Variants in FAM135A observed in about 807,000 individuals in gnomAD.
FAM135A encodes family with sequence similarity 135 member A.
FAM135A carries 79 observed loss-of-function variants against 146.8 expected under a neutral mutation model. That is an observed-to-expected ratio of 0.54 (90% CI 0.45 to 0.65). The LOEUF (loss-of-function observed/expected upper bound fraction) is 0.65. Among genes scored for constraint, FAM135A ranks in the 30% least tolerant of loss-of-function variants. The probability of loss-of-function intolerance (pLI) is 0.00; values close to 1 mark genes in which losing one functional copy is unlikely to be tolerated. For missense variants in FAM135A, 1,623 were observed against 1,758.2 expected (o/e 0.92, Z 1.38); for synonymous variants, 562 against 603.6 (o/e 0.93, Z 1.01).
chr6:70,476,270 T>G (rs1013561901), intron 7 of FAM135A, among the ~76,000 whole-genome samples: 1 of 152,236 alleles, frequency 6.6e-6, no homozygotes, highest in Non-Finnish European at 1.5e-5. Flanking sequence ...TGTGTTCATT[T>G]AAAACAAGAA....
intron 12 of FAM135A, among the ~76,000 whole-genome samples, chr6:70,513,839 A>G (rs1052572607): frequency 5.9e-5 from 9 of 152,010 alleles, no homozygotes; most frequent in African/African-American, 2.2e-4. Flanking sequence ...AAGTACCATT[A>G]TCTTCTGGCC....
chr6:70,514,959 CA>C (rs1791871106), intron 12 of FAM135A, among the ~76,000 whole-genome samples: 1 of 152,212 alleles, frequency 6.6e-6, no homozygotes, highest in African/African-American at 2.4e-5. Context: ...ATCAGAGCTT[CA>C]CTGACCTGGG....
intron 11 of FAM135A, among the ~76,000 whole-genome samples, chr6:70,498,559 T>C (rs942616092): frequency 6.6e-6 from 1 of 151,676 alleles, no homozygotes; most frequent in Admixed American, 6.6e-5. Flanking sequence ...TTCTTTTAAT[T>C]GTGATGTTAC....
intron 4 of FAM135A, among the ~76,000 whole-genome samples, chr6:70,447,921 A>G (rs975424289): frequency 1.3e-5 from 2 of 152,176 alleles, no homozygotes; most frequent in Non-Finnish European, 2.9e-5. Flanking sequence ...AGCCTTATGC[A>G]GATTACCTCC....
intron 11 of FAM135A, among the ~76,000 whole-genome samples, chr6:70,498,083 G>A (rs1036820830): frequency 3.9e-5 from 6 of 152,148 alleles, no homozygotes; most frequent in Non-Finnish European, 7.4e-5. Context: ...AGTAGAATTC[G>A]GCTGTGAATC....
At chr6:70,442,696 T>C (rs1774840188) in intron 4 of FAM135A, among the ~76,000 whole-genome samples, 1 of 151,938 alleles carries the variant, frequency 6.6e-6, no homozygotes, top group African/African-American at 2.4e-5. Flanking sequence ...TAAGTGTGAG[T>C]GATTAACATT....
chr6:70,438,214 C>T (rs973884282), intron 4 of FAM135A, among the ~76,000 whole-genome samples: 3 of 152,136 alleles, frequency 2.0e-5, no homozygotes, highest in Non-Finnish European at 2.9e-5. Flanking sequence ...GGCAGATTTG[C>T]AGGATTTAAG....
At chr6:70,435,496 T>G (rs1772867304) in intron 4 of FAM135A, among the ~76,000 whole-genome samples, 1 of 152,002 alleles carries the variant, frequency 6.6e-6, no homozygotes, top group Non-Finnish European at 1.5e-5. Context: ...TAAACCAGGT[T>G]TGATACAACA....
chr6:70,422,327 A>G (rs905208901), intron 2 of FAM135A, among the ~76,000 whole-genome samples: 3 of 152,114 alleles, frequency 2.0e-5, no homozygotes, highest in East Asian at 3.9e-4. Context: ...TTTCACTCCA[A>G]CAGTCCTCTG....
rs372666704 is a variant in FAM135A at position 70,524,801 on chromosome 6, G to A, written c.1717G>A (p.Ala573Thr). 2.6e-6 allele frequency: 4 copies of A among 1,555,038 alleles called. No individual in the cohort carries two copies. In the African/African-American group the frequency reaches 5.5e-5, roughly 21 times the overall value. ...TYMRQTSQKE[A>T]SCLPTNTERT... Reference sequence around the variant, plus strand: ...CATGAGACAGACAAGTCAAAAGGAAGCTAGCTGTTTGCCAACTAATACAGA... The same window carrying A: ...CATGAGACAGACAAGTCAAAAGGAAACTAGCTGTTTGCCAACTAATACAGA... The change falls in exon 15 of 22, where the codon GCT becomes ACT. Residue 573 changes from alanine (A) to threonine (T), a missense_variant. Physicochemically the swap from Ala to Thr is moderately conservative, Grantham distance 58 (BLOSUM62 0). Transcript: ENST00000418814.
intron 16 of FAM135A, 64 bp from the exon 17 acceptor site, chr6:70,533,096 G>A: frequency 7.9e-7 from 1 of 1,273,290 alleles, no homozygotes; most frequent in Non-Finnish European, 1.1e-6. Flanking sequence ...GTAAAAATAT[G>A]TGATGGTGTA....
intron 12 of FAM135A, among the ~76,000 whole-genome samples, chr6:70,519,167 A>G (rs6913548): frequency 0.2 from 30,598 of 152,038 alleles, 3,353 homozygotes; most frequent in African/African-American, 0.29. Flanking sequence ...GTAACTTTGA[A>G]GGGGTCACGA....
chr6:70,542,023 G>A (rs1324604603), intron 20 of FAM135A, among the ~76,000 whole-genome samples: 1 of 152,048 alleles, frequency 6.6e-6, no homozygotes, highest in Non-Finnish European at 1.5e-5. Context: ...TGGTTACCCT[G>A]CCACATGTAT....
chr6:70,443,841 G>C (rs920586710), intron 4 of FAM135A, among the ~76,000 whole-genome samples: 4 of 151,836 alleles, frequency 2.6e-5, no homozygotes, highest in Admixed American at 2.0e-4. Context: ...GATGGCCTCA[G>C]AACAAAAGCA....
chr6:70,520,113 C>T (rs146150381), intron 12 of FAM135A, among the ~76,000 whole-genome samples: 1 of 151,832 alleles, frequency 6.6e-6, no homozygotes, highest in East Asian at 1.9e-4. Flanking sequence ...TCATCACGTT[C>T]TCATCATTTC....
At chr6:70,420,527 G>A (rs1440064095) in intron 2 of FAM135A, among the ~76,000 whole-genome samples, 3 of 152,142 alleles carry the variant, frequency 2.0e-5, no homozygotes, top group East Asian at 1.9e-4. Flanking sequence ...TGATGGGAGC[G>A]AAGATGCCTG....
At chr6:70,421,553 T>A (rs1353471220) in intron 2 of FAM135A, among the ~76,000 whole-genome samples, 1 of 152,202 alleles carries the variant, frequency 6.6e-6, no homozygotes, top group Non-Finnish European at 1.5e-5. Context: ...GGCAGAGAAA[T>A]CAAATCCCTT....
intron 5 of FAM135A, among the ~76,000 whole-genome samples, chr6:70,466,595 A>T (rs548790629): frequency 1.3e-5 from 2 of 152,328 alleles, no homozygotes; most frequent in African/African-American, 4.8e-5. Context: ...TGTAAAACAG[A>T]GTTTACCACT....
intron 19 of FAM135A, among the ~76,000 whole-genome samples, chr6:70,536,698 A>G (rs935278061): frequency 6.6e-6 from 1 of 152,050 alleles, no homozygotes; most frequent in Non-Finnish European, 1.5e-5. Flanking sequence ...TTTATCTTAT[A>G]AACAGTTTTG....
Sources: gnomAD v4.1 joint callset for allele counts (sites outside exome capture counted in the v4.1 genomes callset) on GRCh38, gnomAD v4.1.1 for gene constraint, MANE v1.5 for transcripts, NCBI Gene and HGNC (gene_info 2026-07-23, HGNC 2026-07-21) for gene names.